NCKAP5: variants seen among roughly 807,000 people sequenced by gnomAD.
NCKAP5 encodes the protein NCK associated protein 5.
Under a neutral mutation model 167.0 loss-of-function variants are expected in NCKAP5, and 92 were observed. The observed-to-expected ratio is 0.55, with a 90% CI of 0.47 to 0.66. NCKAP5 has a LOEUF of 0.66. Among genes scored for constraint, NCKAP5 ranks in the 30% least tolerant of loss-of-function variants. NCKAP5 has a pLI of 0.00. For synonymous variants in NCKAP5, 891 were observed against 877.4 expected (o/e 1.02, Z -0.27); for missense variants, 2,378 against 2,315.0 (o/e 1.03, Z -0.56).
At position 133,303,032 on chromosome 2, in the gene NCKAP5, C is replaced by G; in HGVS notation, c.143+5G>C. 6.3e-7 allele frequency: 1 copy of G among 1,594,854 alleles called. No homozygotes were observed. Among genetic ancestry groups the G allele is most frequent in the South Asian group, 1.1e-5 (1 of 87,590 alleles). On this transcript the variant is annotated splice_donor_5th_base_variant and intron_variant, in intron 4 of 19. Transcript: ENST00000409261. ...CAAGCAAATAAGAACATGAATTGAACTCACCTCCAGAGACTCCTGTGTTGC... is the reference window on the plus strand; with the variant it reads ...CAAGCAAATAAGAACATGAATTGAAGTCACCTCCAGAGACTCCTGTGTTGC...
At chr2:133,671,171 T>C in the NCKAP5 span, among the ~76,000 whole-genome samples, 1 of 128,430 alleles carries the variant, frequency 7.8e-6, no homozygotes, top group Non-Finnish European at 1.5e-5. Flanking sequence ...GCCAAGATCG[T>C]GCCATTGCAC....
At chr2:133,643,022 G>A in the NCKAP5 span, among the ~76,000 whole-genome samples, 1 of 151,220 alleles carries the variant, frequency 6.6e-6, no homozygotes, top group Non-Finnish European at 1.5e-5. Context: ...TTTTCTTTAT[G>A]GAATGAGAAA....
At chr2:132,912,389 C>A (rs536691988) in intron 8 of NCKAP5, among the ~76,000 whole-genome samples, 1 of 152,150 alleles carries the variant, frequency 6.6e-6, no homozygotes, top group Admixed American at 6.5e-5. Context: ...CAGGGTTTTT[C>A]AGAATATATA....
chr2:132,674,861 T>C (rs909558297), intron 19 of NCKAP5, among the ~76,000 whole-genome samples: 4 of 152,132 alleles, frequency 2.6e-5, no homozygotes, highest in African/African-American at 4.8e-5. Flanking sequence ...CAGAGCTAAT[T>C]TTCAATCACA....
intron 16 of NCKAP5, among the ~76,000 whole-genome samples, chr2:132,762,225 T>G (rs1294695101): frequency 6.7e-6 from 1 of 149,844 alleles, no homozygotes; most frequent in South Asian, 2.1e-4. Context: ...GCCCAGCATA[T>G]AGAGAGCTCT....
chr2:133,538,896 A>AG (rs1325879525), intron 2 of NCKAP5, among the ~76,000 whole-genome samples: 1 of 115,248 alleles, frequency 8.7e-6, no homozygotes, highest in East Asian at 3.3e-4. Context: ...AGATGTACCT[A>AG]GTTTTTTTTT....
intron 19 of NCKAP5, among the ~76,000 whole-genome samples, chr2:132,715,333 T>A (rs919067544): frequency 9.9e-5 from 15 of 152,188 alleles, no homozygotes; most frequent in African/African-American, 3.4e-4. Context: ...TGATTGTTAA[T>A]CTTCCGTGTC....
At chr2:133,144,595 AGT>A (rs966212307) in intron 5 of NCKAP5, among the ~76,000 whole-genome samples, 6 of 152,162 alleles carry the variant, frequency 3.9e-5, no homozygotes, top group Admixed American at 1.3e-4. Context: ...GAAAAAATTA[AGT>A]GTGTGTTTTC....
chr2:133,317,357 T>C (rs1427656123), intron 3 of NCKAP5, among the ~76,000 whole-genome samples: 2 of 152,112 alleles, frequency 1.3e-5, no homozygotes, highest in African/African-American at 2.4e-5. Context: ...GTGTGATATT[T>C]AAGTATGGTA....
chr2:133,356,075 C>G (rs1684696177), intron 3 of NCKAP5, among the ~76,000 whole-genome samples: 1 of 151,966 alleles, frequency 6.6e-6, no homozygotes, highest in Admixed American at 6.6e-5. Context: ...TACAGGCATG[C>G]ACCACCATGC....
chr2:133,519,573 T>G (rs893197525), intron 2 of NCKAP5, among the ~76,000 whole-genome samples: 7 of 152,162 alleles, frequency 4.6e-5, no homozygotes, highest in Non-Finnish European at 8.8e-5. Context: ...GACCCTCATA[T>G]TTCCCTCTCC....
At chr2:133,267,620 C>G (rs1267830085) in intron 4 of NCKAP5, among the ~76,000 whole-genome samples, 2 of 152,150 alleles carry the variant, frequency 1.3e-5, no homozygotes, top group African/African-American at 2.4e-5. Flanking sequence ...CTGAATTCCC[C>G]TTAGCCTCAT....
intron 11 of NCKAP5, among the ~76,000 whole-genome samples, chr2:132,803,635 A>G (rs1685206091): frequency 6.6e-6 from 1 of 152,186 alleles, no homozygotes. Flanking sequence ...ATCTGCTGCA[A>G]TTCCATTAAC....
At chr2:133,576,731 A>G in the NCKAP5 span, among the ~76,000 whole-genome samples, 21 of 152,220 alleles carry the variant, frequency 1.4e-4, no homozygotes, top group Non-Finnish European at 2.6e-4. Context: ...AGTTAGGACA[A>G]TCTGAAAATA....
chr2:133,400,128 T>G (rs958427285), intron 3 of NCKAP5, among the ~76,000 whole-genome samples: 14 of 152,184 alleles, frequency 9.2e-5, no homozygotes, highest in Non-Finnish European at 1.3e-4. Context: ...CACATTGCTT[T>G]TATCCATCCT....
intron 16 of NCKAP5, among the ~76,000 whole-genome samples, chr2:132,770,393 T>C (rs1681927783): frequency 6.8e-6 from 1 of 148,060 alleles, no homozygotes; most frequent in East Asian, 1.9e-4. Context: ...ATATTATAAA[T>C]TGTATATATT....
intron 6 of NCKAP5, among the ~76,000 whole-genome samples, chr2:133,030,756 G>T (rs916911805): frequency 3.3e-5 from 5 of 152,298 alleles, no homozygotes; most frequent in Admixed American, 2.6e-4. Context: ...AGACTGGGTG[G>T]CTAAAGCAAC....
chr2:132,924,060 G>A (rs1187958436), intron 8 of NCKAP5, among the ~76,000 whole-genome samples: 1 of 152,164 alleles, frequency 6.6e-6, no homozygotes, highest in African/African-American at 2.4e-5. Flanking sequence ...AGCAGGGTCT[G>A]CAGAGCCAAG....
At chr2:133,018,521 C>T (rs1259385316) in intron 6 of NCKAP5, among the ~76,000 whole-genome samples, 3 of 152,180 alleles carry the variant, frequency 2.0e-5, no homozygotes, top group South Asian at 2.1e-4. Context: ...TTTCATAGCC[C>T]TGTGCCTCAG....
Sources: gnomAD v4.1 joint callset for allele counts (sites outside exome capture counted in the v4.1 genomes callset) on GRCh38, gnomAD v4.1.1 for gene constraint, MANE v1.5 for transcripts, NCBI Gene and HGNC (gene_info 2026-07-23, HGNC 2026-07-21) for gene names.